APBA2: variants seen among roughly 807,000 people sequenced by gnomAD.
The protein encoded by APBA2 is amyloid beta precursor protein binding family A member 2.
A neutral mutation model predicts 75.0 loss-of-function variants in APBA2; 30 were observed. The observed-to-expected ratio is 0.40, with a 90% CI of 0.30 to 0.54. The LOEUF is 0.54. APBA2 is among the 20% of genes least tolerant of loss of function. APBA2 has a pLI of 0.49. For missense variants in APBA2, 801 were observed against 1,016.1 expected (o/e 0.79, Z 2.88); for synonymous variants, 444 against 409.6 (o/e 1.08, Z -1.01).
rs1192494966 is a variant in APBA2, at chr15:29,054,874, C to T, written c.951+39C>T. On this transcript the variant is annotated intron_variant, in intron 4 of 14. Coordinates refer to ENST00000683413, the MANE Select transcript of APBA2 (RefSeq NM_001353788.2). The surrounding 1 kb of genome is among the most constrained non-coding windows in gnomAD (Gnocchi z 6.1). ...TGTCCTGGGGAAGGGAGCAGAGGGG[C>T]CCGAGAGCAAGGGACCTCAGGGTAC... The T allele has an allele frequency of 2.2e-5, 34 of 1,568,870 alleles. No homozygotes were observed. Among genetic ancestry groups the T allele is most frequent in the Non-Finnish European group, 2.9e-5 (34 of 1,161,732 alleles).
chr15:29,027,467 G>C (rs930250538), intron 3 of APBA2, among the ~76,000 whole-genome samples: 1 of 151,872 alleles, frequency 6.6e-6, no homozygotes, highest in African/African-American at 2.4e-5. Flanking sequence ...TTCTGCATCT[G>C]TAATTATGGG....
At chr15:28,995,697 C>A (rs936741988) in intron 2 of APBA2, 56 bp from the exon 3 acceptor site, 7 of 152,142 alleles carry the variant, frequency 4.6e-5, no homozygotes, top group African/African-American at 1.7e-4. Flanking sequence ...ATGTGCGCAC[C>A]TGTATCATTG....
chr15:28,920,827 A>G (rs1252080945), intron 1 of APBA2, among the ~76,000 whole-genome samples: 1 of 152,180 alleles, frequency 6.6e-6, no homozygotes, highest in Non-Finnish European at 1.5e-5. Flanking sequence ...TGCTGCCATC[A>G]TCCTTCATAA....
At chr15:28,928,986 A>G (rs1387310741) in intron 2 of APBA2, among the ~76,000 whole-genome samples, 1 of 152,084 alleles carries the variant, frequency 6.6e-6, no homozygotes, top group East Asian at 1.9e-4. Context: ...TCTAGATTTC[A>G]GGGGGGCGGG....
chr15:29,117,279 CTTGAT>C lies in APBA2; in HGVS notation c.*149_*153del. 1 of 701,396 alleles carries C rather than the reference CTTGAT, an allele frequency of 1.4e-6. No homozygotes were observed. Among genetic ancestry groups the C allele is most frequent in the Non-Finnish European group, 2.5e-6 (1 of 406,114 alleles). 43.4% of individuals were successfully genotyped at this position (701,396 alleles called of 1,614,324 possible). A position where few individuals can be genotyped will look rare whatever the true frequency, so the allele number is the denominator to read the frequency against. On this transcript the variant is annotated 3_prime_UTR_variant, in exon 15 of 15. Transcript: ENST00000683413. ...CCAAAGGGTGTGCCCTCACCACCCA[CTTGAT>C]TTTTTTCATTTTGCCAAAAAGGGGT...
intron 3 of APBA2, among the ~76,000 whole-genome samples, chr15:29,038,017 G>A (rs532502031): frequency 1.3e-5 from 2 of 152,316 alleles, no homozygotes; most frequent in East Asian, 3.9e-4. Context: ...CTGAACCATA[G>A]CAGAGGGACT....
chr15:29,004,655 C>T (rs1595705758), intron 3 of APBA2, among the ~76,000 whole-genome samples: 3 of 151,970 alleles, frequency 2.0e-5, no homozygotes, highest in African/African-American at 4.8e-5. Context: ...CAGTGTGCGC[C>T]GGAATCTCCT....
At chr15:29,090,797 G>A (rs917374327) in intron 6 of APBA2, among the ~76,000 whole-genome samples, 25 of 152,286 alleles carry the variant, frequency 1.6e-4, no homozygotes, top group African/African-American at 3.1e-4. Flanking sequence ...CACTGGGGAC[G>A]GCAAGGTGGT....
intron 13 of APBA2, among the ~76,000 whole-genome samples, chr15:29,112,967 C>T (rs2044818159): frequency 6.6e-6 from 1 of 152,138 alleles, no homozygotes; most frequent in African/African-American, 2.4e-5. Flanking sequence ...TGTTCGTGTG[C>T]CTGGCCTGTT....
At chr15:28,915,625 A>C (rs1201988653) in intron 1 of APBA2, among the ~76,000 whole-genome samples, 1 of 150,954 alleles carries the variant, frequency 6.6e-6, no homozygotes, top group African/African-American at 2.4e-5. Context: ...TATACACACC[A>C]CACACACTAT....
At chr15:29,089,523 G>A (rs1021337638) in intron 6 of APBA2, among the ~76,000 whole-genome samples, 1 of 152,180 alleles carries the variant, frequency 6.6e-6, no homozygotes, top group African/African-American at 2.4e-5. Flanking sequence ...AGGTCTTGGA[G>A]CTAATGAGAC....
intron 2 of APBA2, among the ~76,000 whole-genome samples, chr15:28,974,422 A>T (rs1408858988): frequency 6.6e-6 from 1 of 152,184 alleles, no homozygotes; most frequent in Non-Finnish European, 1.5e-5. Context: ...GAGACATGTG[A>T]AGGGGACCAA....
intron 2 of APBA2, among the ~76,000 whole-genome samples, chr15:28,930,588 C>T (rs563002480): frequency 3.1e-4 from 47 of 152,214 alleles, no homozygotes; most frequent in African/African-American, 1.1e-3. Context: ...CTCCTTCTTT[C>T]TTTCTTTGCC....
At chr15:29,047,784 C>T (rs1240669678) in intron 3 of APBA2, among the ~76,000 whole-genome samples, 2 of 152,134 alleles carry the variant, frequency 1.3e-5, no homozygotes, top group African/African-American at 4.8e-5. Context: ...CAACTAAAAA[C>T]TATTAGGATT....
intron 1 of APBA2, among the ~76,000 whole-genome samples, chr15:28,898,408 T>A (rs1282492997): frequency 1.3e-5 from 2 of 152,160 alleles, no homozygotes; most frequent in African/African-American, 4.8e-5. Flanking sequence ...AGGCCGAGAA[T>A]GAGCACTCTG....
intron 4 of APBA2, among the ~76,000 whole-genome samples, chr15:29,055,892 G>C (rs957870184): frequency 1.3e-5 from 2 of 152,124 alleles, no homozygotes; most frequent in African/African-American, 4.8e-5. Flanking sequence ...TGTTTACAGG[G>C]GGCTGTGGGA....
chr15:28,892,099 G>A (rs1033463425), intron 1 of APBA2, among the ~76,000 whole-genome samples: 1 of 151,924 alleles, frequency 6.6e-6, no homozygotes, highest in African/African-American at 2.4e-5. Flanking sequence ...TTTTGAGACG[G>A]AGTCTCGCCC....
chr15:28,972,609 A>G (rs1857803714), intron 2 of APBA2, among the ~76,000 whole-genome samples: 1 of 152,248 alleles, frequency 6.6e-6, no homozygotes, highest in Admixed American at 6.5e-5. Context: ...ACGTGAGTGA[A>G]GGATTTTATG....
At chr15:28,890,934 G>GCACGT (rs766750070) in intron 1 of APBA2, among the ~76,000 whole-genome samples, 6 of 152,180 alleles carry the variant, frequency 3.9e-5, no homozygotes, top group Non-Finnish European at 8.8e-5. Flanking sequence ...TGCAGAGGAG[G>GCACGT]CACGTCATAA....
Sources: allele counts gnomAD v4.1 joint callset (sites outside exome capture counted in the v4.1 genomes callset), GRCh38; gene constraint gnomAD v4.1.1; non-coding constraint Gnocchi (gnomAD v3.1); transcripts MANE v1.5; gene names NCBI Gene and HGNC (gene_info 2026-07-23, HGNC 2026-07-21).